Variants in IFT88 observed in about 807,000 individuals in gnomAD.
IFT88 encodes intraflagellar transport 88.
Under a neutral mutation model 119.5 loss-of-function variants are expected in IFT88, and 74 were observed. That is an observed-to-expected ratio of 0.62 (90% CI 0.51 to 0.75). The LOEUF (loss-of-function observed/expected upper bound fraction) is 0.75, where lower values mean the gene tolerates loss of function less well. IFT88 is among the 30% of genes least tolerant of loss of function. IFT88 has a pLI of 0.00. For missense variants in IFT88, 961 were observed against 977.7 expected (o/e 0.98, Z 0.23); for synonymous variants, 279 against 316.7 (o/e 0.88, Z 1.26).
chr13:20,662,733 A>G (rs963266289), intron 22 of IFT88, among the ~76,000 whole-genome samples: 3 of 147,098 alleles, frequency 2.0e-5, no homozygotes, highest in Non-Finnish European at 4.5e-5. Context: ...TGTAAAGACA[A>G]AATTATTGTG....
At chr13:20,643,981 G>A (rs2050352910) in intron 19 of IFT88, among the ~76,000 whole-genome samples, 1 of 152,120 alleles carries the variant, frequency 6.6e-6, no homozygotes, top group Admixed American at 6.5e-5. Context: ...TCGAACTCCT[G>A]ACCTCAGGTG....
chr13:20,598,615 T>A, intron 9 of IFT88, 36 bp from the exon 10 acceptor site: 1 of 1,319,616 alleles, frequency 7.6e-7, no homozygotes, highest in Non-Finnish European at 1.1e-6. Context: ...CCTAAAGTGG[T>A]CTTATGTGTC....
chr13:20,619,739 T>A (rs2046194469), intron 14 of IFT88, among the ~76,000 whole-genome samples: 1 of 152,136 alleles, frequency 6.6e-6, no homozygotes, highest in South Asian at 2.1e-4. Flanking sequence ...GATACATACC[T>A]ATGAGTGAAA....
intron 13 of IFT88, among the ~76,000 whole-genome samples, chr13:20,613,022 G>A (rs958210075): frequency 3.3e-5 from 5 of 152,000 alleles, no homozygotes; most frequent in Non-Finnish European, 5.9e-5. Context: ...ATTGACTGTC[G>A]GTTAAGCAAA....
At chr13:20,687,943 T>G (rs1034042095) in intron 24 of IFT88, among the ~76,000 whole-genome samples, 2 of 152,194 alleles carry the variant, frequency 1.3e-5, no homozygotes, top group African/African-American at 4.8e-5. Flanking sequence ...AGATAAGGCC[T>G]GGGGCCTCAA....
chr13:20,599,168 G>A (rs945113791), intron 10 of IFT88, among the ~76,000 whole-genome samples: 2 of 151,906 alleles, frequency 1.3e-5, no homozygotes, highest in African/African-American at 4.8e-5. Flanking sequence ...ACTTTTAAAT[G>A]TCTTTAAGTT....
Position 20,596,256 on chromosome 13 carries a change from A to G in IFT88, c.489+16A>G, listed in dbSNP as rs1254714420. 1.6e-6 allele frequency: 2 copies of G among 1,227,434 alleles called. No homozygotes were observed. 76.0% of individuals were successfully genotyped at this position (1,227,434 alleles called of 1,614,324 possible). A position where few individuals can be genotyped will look rare whatever the true frequency, so the allele number is the denominator to read the frequency against. On this transcript the variant is annotated intron_variant, in intron 8 of 25. Transcript: ENST00000351808. ...CTTAAAATTGGTAAGTTCATAAACA[A>G]GATTCAAAATTATGAAGCATTTATA... is the stretch of plus-strand genomic sequence containing the variant.
intron 14 of IFT88, among the ~76,000 whole-genome samples, chr13:20,620,683 AGC>A (rs147279111): frequency 0.054 from 8,229 of 151,854 alleles, 339 homozygotes; most frequent in Non-Finnish European, 0.08. Flanking sequence ...TCCCTGCCTC[AGC>A]CTCCTGAGTA....
At chr13:20,655,486 A>C (rs2052608029) in intron 21 of IFT88, among the ~76,000 whole-genome samples, 1 of 146,376 alleles carries the variant, frequency 6.8e-6, no homozygotes. Context: ...TTATTTATTT[A>C]TCCATTCATT....
intron 16 of IFT88, among the ~76,000 whole-genome samples, chr13:20,632,706 T>C (rs974709715): frequency 2.0e-5 from 3 of 152,252 alleles, no homozygotes; most frequent in African/African-American, 7.2e-5. Context: ...TGTTTGTACT[T>C]ACAGCATTGT....
chr13:20,643,830 T>C (rs1435767263), intron 19 of IFT88, among the ~76,000 whole-genome samples: 1 of 152,220 alleles, frequency 6.6e-6, no homozygotes, highest in Non-Finnish European at 1.5e-5. Context: ...CTCGGCTCAC[T>C]GCAGCCTCCT....
intron 15 of IFT88, among the ~76,000 whole-genome samples, chr13:20,627,736 A>C (rs80269074): frequency 8.0e-5 from 12 of 150,762 alleles, no homozygotes; most frequent in African/African-American, 2.5e-4. Flanking sequence ...ATCTCAAAAA[A>C]AAAAAAAAAA....
intron 24 of IFT88, among the ~76,000 whole-genome samples, chr13:20,676,184 T>C (rs750680625): frequency 1.7e-4 from 26 of 152,222 alleles, no homozygotes; most frequent in Non-Finnish European, 3.1e-4. Flanking sequence ...CCCTGAGTTT[T>C]CAGTCCTTGT....
Position 20,599,445 on chromosome 13 carries a change from A to T in IFT88, c.698-6A>T. ...ATTATACATTCATTAAATTTTTTTA[A>T]ATTAGGAATATTGAAAATGAATATG... On this transcript the variant is annotated splice_region_variant and splice_polypyrimidine_tract_variant and intron_variant, in intron 10 of 25. Transcript: ENST00000351808. 1 of 1,058,782 alleles carries T rather than the reference A, an allele frequency of 9.4e-7. No individual in the cohort carries two copies. Among genetic ancestry groups the T allele is most frequent in the Admixed American group, 2.1e-5 (1 of 46,864 alleles). The allele number at this position is 1,058,782 out of a possible 1,614,324, so 65.6% of individuals were successfully genotyped here.
intron 24 of IFT88, among the ~76,000 whole-genome samples, chr13:20,673,245 G>A (rs779438251): frequency 2.0e-5 from 3 of 151,934 alleles, no homozygotes; most frequent in African/African-American, 7.3e-5. Context: ...CTGGTAATTC[G>A]TAAGTTTATA....
At chr13:20,687,402 C>T (rs981922828) in intron 24 of IFT88, among the ~76,000 whole-genome samples, 3 of 136,058 alleles carry the variant, frequency 2.2e-5, no homozygotes, top group African/African-American at 1.0e-4. Flanking sequence ...CCAGGTGCCA[C>T]ACTTTACACA....
intron 20 of IFT88, 34 bp from the exon 21 acceptor site, chr13:20,653,842 A>C: frequency 2.0e-3 from 1,850 of 919,526 alleles, no homozygotes; most frequent in Non-Finnish European, 2.8e-3. Flanking sequence ...AGATTTTTTT[A>C]TCTCTAATTT....
intron 3 of IFT88, among the ~76,000 whole-genome samples, chr13:20,588,141 A>C (rs2040047500): frequency 6.6e-6 from 1 of 151,860 alleles, no homozygotes; most frequent in Non-Finnish European, 1.5e-5. Flanking sequence ...GTTTCCCTAA[A>C]TATTATGATA....
intron 13 of IFT88, among the ~76,000 whole-genome samples, chr13:20,607,070 G>A (rs576971570): frequency 2.8e-4 from 43 of 152,110 alleles, no homozygotes; most frequent in Non-Finnish European, 4.4e-4. Flanking sequence ...GATGGCGGCG[G>A]CTACAGTGGG....
Sources: allele counts gnomAD v4.1 joint callset (sites outside exome capture counted in the v4.1 genomes callset), GRCh38; gene constraint gnomAD v4.1.1; transcripts MANE v1.5; gene names NCBI Gene and HGNC (gene_info 2026-07-23, HGNC 2026-07-21).